ZNF804A: variants seen among roughly 807,000 people sequenced by gnomAD.
The protein encoded by ZNF804A is zinc finger protein 804A.
ZNF804A carries 2 observed loss-of-function variants against 16.5 expected under a neutral mutation model. The ratio of observed to expected loss-of-function variants is 0.12; its 90% CI spans 0.05 to 0.38. The LOEUF (loss-of-function observed/expected upper bound fraction) is 0.38, where lower values mean the gene tolerates loss of function less well. ZNF804A is among the 10% of genes least tolerant of loss of function. ZNF804A has a pLI of 0.99. For synonymous variants in ZNF804A, 534 were observed against 489.6 expected, an observed-to-expected ratio of 1.09 and a Z score of -1.20; for missense variants, 1,473 against 1,390.7, an observed-to-expected ratio of 1.06 and a Z score of -0.94.
chr2:184,848,083 C>T (rs1042955922), intron 1 of ZNF804A, among the ~76,000 whole-genome samples: 1 of 151,936 alleles, frequency 6.6e-6, no homozygotes, highest in African/African-American at 2.4e-5. Flanking sequence ...CAATCTTCAG[C>T]CCTTCTCTCC....
intron 2 of ZNF804A, among the ~76,000 whole-genome samples, chr2:184,891,368 T>C (rs1228274887): frequency 6.6e-6 from 1 of 152,312 alleles, no homozygotes; most frequent in East Asian, 1.9e-4. Flanking sequence ...CAGACAGTTA[T>C]GTCTTCCACT....
intron 1 of ZNF804A, among the ~76,000 whole-genome samples, chr2:184,792,172 T>C (rs1694554531): frequency 6.6e-6 from 1 of 152,160 alleles, no homozygotes; most frequent in Non-Finnish European, 1.5e-5. Context: ...TTCATTTGAG[T>C]GGATACCCAG....
At chr2:184,673,212 G>T (rs1367117057) in intron 1 of ZNF804A, among the ~76,000 whole-genome samples, 1 of 152,142 alleles carries the variant, frequency 6.6e-6, no homozygotes, top group Non-Finnish European at 1.5e-5. Flanking sequence ...TAATTATCAT[G>T]TTCCTACATT....
chr2:184,762,557 A>G (rs1312368554), intron 1 of ZNF804A, among the ~76,000 whole-genome samples: 1 of 151,960 alleles, frequency 6.6e-6, no homozygotes, highest in Non-Finnish European at 1.5e-5. Context: ...AATAGTTACC[A>G]TACATTGATA....
chr2:184,806,303 T>G (rs1284335365), intron 1 of ZNF804A, among the ~76,000 whole-genome samples: 1 of 151,982 alleles, frequency 6.6e-6, no homozygotes, highest in Non-Finnish European at 1.5e-5. Flanking sequence ...GTCTTTATTT[T>G]TCTTTATTGG....
chr2:184,701,302 T>G (rs1428531239), intron 1 of ZNF804A, among the ~76,000 whole-genome samples: 1 of 151,898 alleles, frequency 6.6e-6, no homozygotes, highest in East Asian at 1.9e-4. Flanking sequence ...CAGGTATAAT[T>G]TTGGGAAATA....
At chr2:184,709,841 T>C (rs1342685867) in intron 1 of ZNF804A, among the ~76,000 whole-genome samples, 2 of 148,334 alleles carry the variant, frequency 1.3e-5, no homozygotes, top group African/African-American at 4.9e-5. Flanking sequence ...AAAATATATT[T>C]TTATAGTATA....
chr2:184,919,458 G>A (rs1321625759), intron 2 of ZNF804A, among the ~76,000 whole-genome samples: 2 of 152,170 alleles, frequency 1.3e-5, no homozygotes, highest in Non-Finnish European at 2.9e-5. Context: ...CTTTGTTCAT[G>A]AGTTCATTGG....
At chr2:184,901,105 T>G (rs1685174548) in intron 2 of ZNF804A, among the ~76,000 whole-genome samples, 1 of 152,180 alleles carries the variant, frequency 6.6e-6, no homozygotes, top group African/African-American at 2.4e-5. Flanking sequence ...TATCCATACA[T>G]CCTACACTGC....
chr2:184,853,340 G>A (rs377137656), intron 1 of ZNF804A, among the ~76,000 whole-genome samples: 108 of 151,734 alleles, frequency 7.1e-4, no homozygotes, highest in African/African-American at 2.5e-3. Context: ...GAATCTTTAG[G>A]GTTATCTCTA....
At chr2:184,689,192 G>A (rs183781184) in intron 1 of ZNF804A, among the ~76,000 whole-genome samples, 14 of 152,082 alleles carry the variant, frequency 9.2e-5, no homozygotes, top group Admixed American at 3.3e-4. Flanking sequence ...TCTCTCCTTC[G>A]TCTCTGCTCC....
At chr2:184,658,189 T>A (rs960497287) in intron 1 of ZNF804A, among the ~76,000 whole-genome samples, 1 of 152,044 alleles carries the variant, frequency 6.6e-6, no homozygotes, top group Non-Finnish European at 1.5e-5. Context: ...ACTGAGAAGT[T>A]TTTTTCCCCC....
At chr2:184,714,382 C>A (rs760074427) in intron 1 of ZNF804A, among the ~76,000 whole-genome samples, 71 of 152,190 alleles carry the variant, frequency 4.7e-4, no homozygotes, top group Non-Finnish European at 8.5e-4. Context: ...ATATGCATTA[C>A]TACTCATATG....
At chr2:184,782,092 A>G (rs1442305784) in intron 1 of ZNF804A, among the ~76,000 whole-genome samples, 1 of 151,692 alleles carries the variant, frequency 6.6e-6, no homozygotes, top group East Asian at 2.0e-4. Flanking sequence ...ACCTTATTTA[A>G]TCTTTATTAT....
chr2:184,931,149 T>C (rs1046314003), intron 2 of ZNF804A, among the ~76,000 whole-genome samples: 1 of 152,164 alleles, frequency 6.6e-6, no homozygotes, highest in Non-Finnish European at 1.5e-5. Flanking sequence ...GTGTTGAGTG[T>C]CTGTGGTTTT....
chr2:184,604,825 ATATTGCTTGAAC>A (rs1027916372), intron 1 of ZNF804A, among the ~76,000 whole-genome samples: 5 of 152,148 alleles, frequency 3.3e-5, no homozygotes, highest in African/African-American at 1.2e-4. Flanking sequence ...TGTTTGCCAC[ATATTGCTTGAAC>A]TGAATTAACA....
At chr2:184,652,144 G>A (rs536115091) in intron 1 of ZNF804A, among the ~76,000 whole-genome samples, 1 of 152,274 alleles carries the variant, frequency 6.6e-6, no homozygotes, top group South Asian at 2.1e-4. Context: ...CAGCAACATG[G>A]ATGGGGCTGG....
At chr2:184,920,128 A>G (rs6727883) in intron 2 of ZNF804A, among the ~76,000 whole-genome samples, 6,601 of 152,136 alleles carry the variant, frequency 0.043, 468 homozygotes, top group African/African-American at 0.15. Context: ...AACAACAAAC[A>G]AACAAACAAA....
chr2:184,919,846 T>C (rs1238011966), intron 2 of ZNF804A, among the ~76,000 whole-genome samples: 2 of 152,228 alleles, frequency 1.3e-5, no homozygotes, highest in Admixed American at 1.3e-4. Context: ...CTGGTCATGG[T>C]GGCTTATGCC....
Sources: gnomAD v4.1 joint callset for allele counts (sites outside exome capture counted in the v4.1 genomes callset) on GRCh38, gnomAD v4.1.1 for gene constraint, MANE v1.5 for transcripts, NCBI Gene and HGNC (gene_info 2026-07-23, HGNC 2026-07-21) for gene names.